TSNAXIP1: variants seen among roughly 807,000 people sequenced by gnomAD.
The protein encoded by TSNAXIP1 is translin associated factor X interacting protein 1.
In TSNAXIP1, 89 loss-of-function variants were observed where a neutral mutation model predicts 84.8. That is an observed-to-expected ratio of 1.05 (90% CI 0.88 to 1.25). TSNAXIP1 has a LOEUF of 1.25. Ranked by LOEUF, TSNAXIP1 falls within the 50% of genes most tolerant of loss-of-function variation. TSNAXIP1 has a pLI of 0.00. For synonymous variants in TSNAXIP1, 347 were observed against 335.2 expected (o/e 1.04, Z -0.39); for missense variants, 874 against 887.6 (o/e 0.98, Z 0.20).
At chr16:67,810,664 C>G (rs1312084725) in intron 1 of TSNAXIP1, among the ~76,000 whole-genome samples, 1 of 151,896 alleles carries the variant, frequency 6.6e-6, no homozygotes, top group Non-Finnish European at 1.5e-5. Flanking sequence ...TTTGGTCCAG[C>G]TTTGAGGTAG....
intron 13 of TSNAXIP1, 22 bp downstream of exon 13, chr16:67,827,094 C>T: frequency 2.5e-6 from 4 of 1,611,760 alleles, no homozygotes; most frequent in Non-Finnish European, 3.4e-6. Context: ...GTCCAGGCTA[C>T]CCCCAACTCC....
At chr16:67,809,881 G>A (rs1055187539) in intron 1 of TSNAXIP1, among the ~76,000 whole-genome samples, 22 of 152,142 alleles carry the variant, frequency 1.4e-4, no homozygotes, top group African/African-American at 2.4e-4. Flanking sequence ...CCTGGGAGGC[G>A]GAGGTTGCAG....
chr16:67,812,206 T>A (rs929044187), intron 1 of TSNAXIP1, among the ~76,000 whole-genome samples: 9 of 152,114 alleles, frequency 5.9e-5, no homozygotes, highest in Non-Finnish European at 1.0e-4. Flanking sequence ...CTTCCTTTTG[T>A]TCCACCTGAG....
Position 67,821,205 on chromosome 16 carries a change from A to T in TSNAXIP1, c.367A>T (p.Thr123Ser). 6.8e-7 allele frequency: 1 copy of T among 1,481,124 alleles called. No homozygotes were observed. The highest frequency in any genetic ancestry group is 9.1e-7 in the Non-Finnish European group (1 of 1,099,410). The allele number at this position is 1,481,124 out of a possible 1,614,324, so 91.7% of individuals were successfully genotyped here. A position where few individuals can be genotyped will look rare whatever the true frequency, so the allele number is the denominator to read the frequency against. ...CCTGCTGGACCTGGGCACAGATTCC[A>T]CCCAGGAACTAAGGCTGCAGGTCAG... ...LLLLDLGTDSTQELRLQPYRE... is the reference protein window; with the variant it reads ...LLLLDLGTDSSQELRLQPYRE... The change falls in exon 4 of 16, where the codon ACC (threonine) becomes TCC (serine). Residue 123 changes from threonine (T) to serine (S), a missense_variant. Coordinates refer to ENST00000561639, the MANE Select transcript of TSNAXIP1 (RefSeq NM_001288990.3).
At chr16:67,821,261 G>GGGGT in intron 4 of TSNAXIP1, 36 bp downstream of exon 4, 4 of 741,934 alleles carry the variant, frequency 5.4e-6, no homozygotes, top group Non-Finnish European at 8.8e-6. Context: ...GAGGGCGGGG[G>GGGGT]AAGGGTGGGA....
intron 2 of TSNAXIP1, among the ~76,000 whole-genome samples, chr16:67,817,675 T>A (rs2056693914): frequency 6.9e-6 from 1 of 144,676 alleles, no homozygotes; most frequent in Admixed American, 6.9e-5. Context: ...GTGGATCACC[T>A]GAGGTCAGGG....
intron 1 of TSNAXIP1, among the ~76,000 whole-genome samples, chr16:67,811,822 C>T (rs2056111903): frequency 6.6e-6 from 1 of 152,190 alleles, no homozygotes; most frequent in African/African-American, 2.4e-5. Flanking sequence ...TGTTGGTCTC[C>T]AAGACTGTCT....
In TSNAXIP1 at chr16:67,826,502, C is replaced by A. The variant is rs1391554557; in HGVS notation, c.1341C>A (p.Ser447Arg). The change falls in exon 11 of 16, where the codon AGC becomes AGA. Residue 447 changes from serine (S) to arginine (R), a missense_variant. Coordinates refer to ENST00000561639, the MANE Select transcript of TSNAXIP1 (RefSeq NM_001288990.3). ...FDGLVENKKP[S>R]KKDVVNLLKD... Reference sequence around the variant, plus strand: ...GCCTCGTGGAGAACAAGAAGCCAAGCAAGAAGGACGTGGTCAACCTCCTCA... The same window carrying A: ...GCCTCGTGGAGAACAAGAAGCCAAGAAAGAAGGACGTGGTCAACCTCCTCA... The A allele has an allele frequency of 6.2e-7, 1 of 1,614,122 alleles. No homozygotes were observed. The highest frequency in any genetic ancestry group is 8.5e-7 in the Non-Finnish European group (1 of 1,180,022).
chr16:67,827,144 T>C, intron 13 of TSNAXIP1, 72 bp downstream of exon 13: 3 of 1,605,754 alleles, frequency 1.9e-6, no homozygotes, highest in Non-Finnish European at 1.7e-6. Flanking sequence ...AAGGGGCACC[T>C]GGTGGGAAGG....
At chr16:67,814,176 A>C in intron 1 of TSNAXIP1, 126 bp from the exon 2 acceptor site, 2 of 694,780 alleles carry the variant, frequency 2.9e-6, no homozygotes, top group Non-Finnish European at 4.9e-6. Context: ...GTCTCTGGGA[A>C]TCCGGAGGCA....
At chr16:67,819,131 C>G (rs1870222944) in intron 2 of TSNAXIP1, among the ~76,000 whole-genome samples, 1 of 151,972 alleles carries the variant, frequency 6.6e-6, no homozygotes, top group Non-Finnish European at 1.5e-5. Flanking sequence ...GATCGTGCTA[C>G]TGTACTGCAC....
At chr16:67,817,683 G>C (rs1276318773) in intron 2 of TSNAXIP1, among the ~76,000 whole-genome samples, 2 of 149,526 alleles carry the variant, frequency 1.3e-5, no homozygotes. Flanking sequence ...CCTGAGGTCA[G>C]GGGTTCAAGA....
At chr16:67,827,682 G>A in intron 15 of TSNAXIP1, 71 bp from the exon 16 acceptor site, 1 of 1,611,000 alleles carries the variant, frequency 6.2e-7, no homozygotes, top group South Asian at 1.1e-5. Context: ...CCAGCACAGA[G>A]GAGGGCACCT....
intron 15 of TSNAXIP1, 76 bp from the exon 16 acceptor site, chr16:67,827,675 GCA>G: frequency 6.2e-7 from 1 of 1,610,400 alleles, no homozygotes; most frequent in Non-Finnish European, 8.5e-7. Context: ...GCTCAGCCCA[GCA>G]CAGAGGAGGG....
chr16:67,819,815 ATTT>A (rs1162375778), intron 2 of TSNAXIP1, among the ~76,000 whole-genome samples: 4 of 102,648 alleles, frequency 3.9e-5, no homozygotes, highest in South Asian at 3.3e-4. Flanking sequence ...ACCTGGCTAA[ATTT>A]TTTTTTTTTT....
At chr16:67,811,928 T>C (rs943038797) in intron 1 of TSNAXIP1, among the ~76,000 whole-genome samples, 13 of 152,128 alleles carry the variant, frequency 8.5e-5, no homozygotes, top group African/African-American at 3.1e-4. Context: ...TGAGAAGCAA[T>C]AGAGGACTAG....
intron 1 of TSNAXIP1, among the ~76,000 whole-genome samples, chr16:67,811,005 G>A (rs2056020490): frequency 6.6e-6 from 1 of 151,422 alleles, no homozygotes; most frequent in South Asian, 2.1e-4. Flanking sequence ...CCTTTTTCTG[G>A]AGAACGGGGT....
chr16:67,812,395 C>T (rs1191522198), intron 1 of TSNAXIP1, among the ~76,000 whole-genome samples: 2 of 151,942 alleles, frequency 1.3e-5, no homozygotes, highest in Non-Finnish European at 2.9e-5. Flanking sequence ...AGGCCGGGCA[C>T]GGTGGCTCAC....
At chr16:67,808,636 G>A (rs1383384639) in intron 1 of TSNAXIP1, among the ~76,000 whole-genome samples, 1 of 152,056 alleles carries the variant, frequency 6.6e-6, no homozygotes, top group Non-Finnish European at 1.5e-5. Context: ...TACTTGGGAG[G>A]CTGAGGCAGG....
Sources: gnomAD v4.1 joint callset for allele counts (sites outside exome capture counted in the v4.1 genomes callset) on GRCh38, gnomAD v4.1.1 for gene constraint, MANE v1.5 for transcripts, NCBI Gene and HGNC (gene_info 2026-07-23, HGNC 2026-07-21) for gene names.